The following ADAM7 variants were observed in gnomAD, a reference collection of about 807,000 sequenced individuals.
ADAM7 encodes ADAM metallopeptidase domain 7.
A neutral mutation model predicts 102.9 loss-of-function variants in ADAM7; 97 were observed. That is an observed-to-expected ratio of 0.94 (90% CI 0.80 to 1.12). ADAM7 has a LOEUF of 1.12. Ranked by LOEUF, ADAM7 falls within the 50% of genes most tolerant of loss-of-function variation. The pLI is 0.00. For synonymous variants in ADAM7, 334 were observed against 304.4 expected, an observed-to-expected ratio of 1.10 and a Z score of -1.01; for missense variants, 991 against 908.7, an observed-to-expected ratio of 1.09 and a Z score of -1.16.
At chr8:24,484,802 C>CTTTTTTTTTT (rs544478529) in intron 9 of ADAM7, among the ~76,000 whole-genome samples, 1 of 91,954 alleles carries the variant, frequency 1.1e-5, no homozygotes. Flanking sequence ...ATTGCACTGG[C>CTTTTTTTTTT]TTTTTTTTTT....
Position 24,482,287 on chromosome 8 carries a change from AT to A in ADAM7, c.855del (p.Phe285LeufsTer44). The A allele has an allele frequency of 6.2e-7, 1 of 1,611,370 alleles. No individual in the cohort carries two copies. Among genetic ancestry groups the A allele is most frequent in the Non-Finnish European group, 8.5e-7 (1 of 1,179,100 alleles). Reference sequence around the variant, plus strand: ...GAAAAGATCCTTAAAACACGGAAGGATTTTGATCATGTTGTATTACTCAGGT... The same window carrying A: ...GAAAAGATCCTTAAAACACGGAAGGATTTGATCATGTTGTATTACTCAGGT... ...WQEKILKTRK[D>X]FDHVVLLSGK... is the part of the protein sequence containing the mutation. On this transcript the variant is annotated frameshift_variant, in exon 9 of 22. Coordinates refer to ENST00000175238, the MANE Select transcript of ADAM7 (RefSeq NM_003817.4). LOFTEE classifies it high-confidence loss of function.
At chr8:24,482,484 A>C (rs1283679970) in intron 9 of ADAM7, among the ~76,000 whole-genome samples, 173 bp downstream of exon 9, 3 of 152,186 alleles carry the variant, frequency 2.0e-5, no homozygotes, top group Non-Finnish European at 4.4e-5. Flanking sequence ...ACCGTAGCAT[A>C]TATCTTTAAT....
intron 1 of ADAM7, among the ~76,000 whole-genome samples, chr8:24,441,944 C>G (rs1209858715): frequency 2.0e-5 from 3 of 152,078 alleles, no homozygotes; most frequent in Non-Finnish European, 4.4e-5. Flanking sequence ...GAGGCTGAGG[C>G]AGGTGGATCA....
At chr8:24,506,681 A>C (rs1031309610) in intron 20 of ADAM7, among the ~76,000 whole-genome samples, 4 of 151,808 alleles carry the variant, frequency 2.6e-5, no homozygotes, top group African/African-American at 7.3e-5. Flanking sequence ...TAATCCCTGC[A>C]TCTTTATTTA....
chr8:24,467,216 T>C (rs531887202), intron 6 of ADAM7: 2 of 571,532 alleles, frequency 3.5e-6, no homozygotes, highest in South Asian at 4.9e-5. Context: ...CAATTCTATG[T>C]ATAGATTGAT....
At position 24,447,194 on chromosome 8, in the gene ADAM7, T is replaced by C. The variant is rs186691078; in HGVS notation, c.165T>C (p.Tyr55=). Residue 55 remains tyrosine (Y), a synonymous_variant, in exon 3 of 22, where the codon TAT becomes TAC. Transcript: ENST00000175238. Reference sequence around the variant, plus strand: ...TGCCTCTTCTTTTTTAGAAAACGTATGAAGAAGAATTGTTGTATGAAATAA... The same window carrying C: ...TGCCTCTTCTTTTTTAGAAAACGTACGAAGAAGAATTGTTGTATGAAATAA... ...HTHDDDILKT[Y]EEELLYEIKL... 11 of 1,541,708 alleles carry C rather than the reference T, an allele frequency of 7.1e-6. No individual in the cohort carries two copies. The highest frequency in any genetic ancestry group is 1.7e-4 in the Middle Eastern group (1 of 5,866).
At chr8:24,465,605 C>A in intron 4 of ADAM7, 94 bp from the exon 5 acceptor site, 1 of 646,962 alleles carries the variant, frequency 1.5e-6, no homozygotes, top group Non-Finnish European at 2.3e-6. Flanking sequence ...CAAAATAAAA[C>A]ATTGATATAT....
chr8:24,473,890 G>GT (rs1221950075), intron 7 of ADAM7, among the ~76,000 whole-genome samples: 77 of 151,832 alleles, frequency 5.1e-4, no homozygotes, highest in African/African-American at 1.8e-3. Context: ...TATATATATA[G>GT]TATATATTTG....
chr8:24,466,665 C>A, intron 5 of ADAM7, 134 bp from the exon 6 acceptor site: 2 of 693,594 alleles, frequency 2.9e-6, no homozygotes, highest in Non-Finnish European at 4.7e-6. Context: ...CATTTCCTTA[C>A]CACTGAAAGC....
chr8:24,493,747 T>C (rs557502709), intron 16 of ADAM7, among the ~76,000 whole-genome samples: 5 of 152,280 alleles, frequency 3.3e-5, no homozygotes, highest in African/African-American at 1.2e-4. Flanking sequence ...GAAGATGAAA[T>C]GGCATCTTAA....
At chr8:24,455,875 G>T (rs539243535) in intron 3 of ADAM7, among the ~76,000 whole-genome samples, 1 of 152,072 alleles carries the variant, frequency 6.6e-6, no homozygotes, top group Admixed American at 6.5e-5. Flanking sequence ...TATATTTATG[G>T]GGCCAAAGTG....
At chr8:24,455,405 T>A (rs1818994223) in intron 3 of ADAM7, among the ~76,000 whole-genome samples, 1 of 152,194 alleles carries the variant, frequency 6.6e-6, no homozygotes, top group Non-Finnish European at 1.5e-5. Context: ...GTTTAGTATT[T>A]GTTTTTGTTT....
intron 3 of ADAM7, among the ~76,000 whole-genome samples, chr8:24,457,850 G>A (rs1285343285): frequency 1.5e-5 from 2 of 133,878 alleles, no homozygotes. Context: ...TTGTGTATGT[G>A]CATATGTGTG....
intron 20 of ADAM7, among the ~76,000 whole-genome samples, chr8:24,503,183 T>C (rs1167974647): frequency 1.3e-5 from 2 of 152,188 alleles, no homozygotes; most frequent in Non-Finnish European, 2.9e-5. Flanking sequence ...AAAAATTATG[T>C]CTATTCCTGA....
intron 2 of ADAM7, among the ~76,000 whole-genome samples, chr8:24,446,730 A>C (rs1818572568): frequency 6.6e-6 from 1 of 151,854 alleles, no homozygotes; most frequent in African/African-American, 2.4e-5. Context: ...TGAACAGGAT[A>C]TCTGTGTATA....
In ADAM7 at chr8:24,500,830, C is replaced by T. The variant is rs149009178; in HGVS notation, c.2043C>T (p.Val681=). 4.3e-6 allele frequency: 7 copies of T among 1,613,152 alleles called. No homozygotes were observed. Among genetic ancestry groups the T allele is most frequent in the Middle Eastern group, 1.6e-4 (1 of 6,074 alleles). The change falls in exon 19 of 22, where the codon GTC becomes GTT. Residue 681 remains valine (V), a synonymous_variant. Coordinates refer to ENST00000175238, the MANE Select transcript of ADAM7 (RefSeq NM_003817.4). The stretch of plus-strand genomic sequence containing the variant: ...TTGTTGTGCTTGTCCTGGTTATTGT[C>T]GGTATCGGAGTTCTTATACTATTAG... ...ILVVVLVLVI[V]GIGVLILLVR... is the part of the protein sequence containing the mutation.
chr8:24,487,160 T>C (rs1440573154), intron 10 of ADAM7, 27 bp from the exon 11 acceptor site: 1 of 1,609,500 alleles, frequency 6.2e-7, no homozygotes, highest in East Asian at 2.2e-5. Flanking sequence ...CTTTTGAAAA[T>C]TTCTAATGCA....
At chr8:24,486,048 A>G (rs1010910077) in intron 10 of ADAM7, among the ~76,000 whole-genome samples, 2 of 152,160 alleles carry the variant, frequency 1.3e-5, no homozygotes, top group Admixed American at 1.3e-4. Flanking sequence ...AGCTTTTCCT[A>G]TGGTATTTCA....
At chr8:24,452,841 G>T (rs1438899102) in intron 3 of ADAM7, among the ~76,000 whole-genome samples, 1 of 151,272 alleles carries the variant, frequency 6.6e-6, no homozygotes, top group Non-Finnish European at 1.5e-5. Context: ...TGTAGGGCAG[G>T]CCTGGTGGTG....
Sources: gnomAD v4.1 joint callset for allele counts (sites outside exome capture counted in the v4.1 genomes callset) on GRCh38, gnomAD v4.1.1 for gene constraint, MANE v1.5 for transcripts, NCBI Gene and HGNC (gene_info 2026-07-23, HGNC 2026-07-21) for gene names.